The following C19orf38 variants were observed in gnomAD, a reference collection of about 807,000 sequenced individuals.
The protein encoded by C19orf38 is chromosome 19 open reading frame 38.
C19orf38 carries 14 observed loss-of-function variants against 26.6 expected under a neutral mutation model. The ratio of observed to expected loss-of-function variants is 0.53; its 90% CI spans 0.35 to 0.82. The LOEUF (loss-of-function observed/expected upper bound fraction) is 0.82, where lower values mean the gene tolerates loss of function less well. C19orf38 is among the 40% of genes least tolerant of loss of function. The probability of loss-of-function intolerance (pLI) is 0.01; values close to 1 mark genes in which losing one functional copy is unlikely to be tolerated. For missense variants in C19orf38, 261 were observed against 299.5 expected (o/e 0.87, Z 0.95); for synonymous variants, 132 against 128.5 (o/e 1.03, Z -0.18).
At chr19:10,863,700 G>A (rs2073725592) in intron 6 of C19orf38, among the ~76,000 whole-genome samples, 1 of 150,102 alleles carries the variant, frequency 6.7e-6, no homozygotes, top group South Asian at 2.1e-4. Context: ...GGCGGGTGTG[G>A]GTCAGGAGTT....
chr19:10,858,027 C>T (rs2073648523), intron 3 of C19orf38, among the ~76,000 whole-genome samples: 3 of 151,616 alleles, frequency 2.0e-5, no homozygotes, highest in Non-Finnish European at 1.5e-5. Context: ...GTCAGGAGTT[C>T]GAGACCAGTC....
intron 6 of C19orf38, among the ~76,000 whole-genome samples, chr19:10,868,761 C>G (rs1474203832): frequency 6.6e-6 from 1 of 152,224 alleles, no homozygotes; most frequent in Non-Finnish European, 1.5e-5. Context: ...CCACCTCGGT[C>G]TCCCAAAGTG....
rs1484640109 is a variant in C19orf38, at chr19:10,857,364, A to ATTTT, written c.434-951_434-950insTTTT. Among the ~76,000 whole-genome samples, 86 of 78,160 alleles carry ATTTT rather than the reference A, an allele frequency of 1.1e-3. 1 individual carries two copies. Among genetic ancestry groups the ATTTT allele is most frequent in the East Asian group, 6.0e-3 (12 of 2,002 alleles). 51.3% of individuals were successfully genotyped at this position (78,160 alleles called of 152,430 possible). A position where few individuals can be genotyped will look rare whatever the true frequency, so the allele number is the denominator to read the frequency against. On this transcript the variant is annotated intron_variant, in intron 3 of 6. Coordinates refer to ENST00000397820, the MANE Select transcript of C19orf38 (RefSeq NM_001136482.3). ...CATATATATATATATATATATATAT[A>ATTTT]TATTTTTTTTTTTTTTTTTTTAAGA... is the stretch of plus-strand genomic sequence containing the variant.
chr19:10,844,686 A>C (rs1380477299), upstream of C19orf38, among the ~76,000 whole-genome samples: 1 of 151,784 alleles, frequency 6.6e-6, no homozygotes, highest in Admixed American at 6.6e-5. Flanking sequence ...TCTCTACTAA[A>C]AAATACAAAA....
chr19:10,846,336 A>G (rs569763802), upstream of C19orf38, among the ~76,000 whole-genome samples: 8 of 151,714 alleles, frequency 5.3e-5, no homozygotes, highest in Non-Finnish European at 1.0e-4. Context: ...AGCTGGGACT[A>G]CAGGCACCCA....
intron 6 of C19orf38, among the ~76,000 whole-genome samples, chr19:10,867,911 C>T (rs1316564410): frequency 6.6e-6 from 1 of 151,992 alleles, no homozygotes; most frequent in Non-Finnish European, 1.5e-5. Flanking sequence ...CCTCGACCTC[C>T]CAAAGTGCTG....
At chr19:10,844,391 A>G (rs2073500326), upstream of C19orf38, among the ~76,000 whole-genome samples, 1 of 143,978 alleles carries the variant, frequency 6.9e-6, no homozygotes. Flanking sequence ...TAACAGAGTG[A>G]GACTCCGTCT....
At chr19:10,845,952 G>C (rs2073512745), upstream of C19orf38, among the ~76,000 whole-genome samples, 1 of 151,490 alleles carries the variant, frequency 6.6e-6, no homozygotes, top group Admixed American at 6.6e-5. Context: ...GCTGAGTCAG[G>C]AGGATTGCTT....
intron 1 of C19orf38, among the ~76,000 whole-genome samples, chr19:10,839,495 C>T (rs2073463685): frequency 6.6e-6 from 1 of 152,152 alleles, no homozygotes; most frequent in African/African-American, 2.4e-5. Flanking sequence ...CCTGTATCAA[C>T]TCCTCATTAC....
At chr19:10,845,876 C>CA (rs967662038), upstream of C19orf38, among the ~76,000 whole-genome samples, 2,184 of 72,396 alleles carry the variant, frequency 0.03, 22 homozygotes, top group Middle Eastern at 0.083. Context: ...AAGACTCCGT[C>CA]AAAAAAAAAA....
At chr19:10,858,450 C>A in intron 4 of C19orf38, 107 bp downstream of exon 4, 3 of 1,098,670 alleles carry the variant, frequency 2.7e-6, no homozygotes, top group Non-Finnish European at 4.0e-6. Flanking sequence ...TCCTGGTGGG[C>A]ATGCTGCGTA....
Position 10,859,930 on chromosome 19 carries a change from C to T in C19orf38, c.477C>T (p.Cys159=). Residue 159 remains cysteine, a synonymous_variant, in exon 5 of 7, where the codon TGC becomes TGT. Transcript: ENST00000397820. ...TCCTTTGCAGAGATCGAGAATCCTG[C>T]TGGGCCCAGATTAACTTCGACAGCA... is the stretch of plus-strand genomic sequence containing the variant. The part of the protein sequence containing the change: ...NLQKKRDRES[C]WAQINFDSTD... The T allele has an allele frequency of 6.4e-7, 1 of 1,551,916 alleles. No homozygotes were observed. Among genetic ancestry groups the T allele is most frequent in the African/African-American group, 1.4e-5 (1 of 73,156 alleles).
Position 10,850,377 on chromosome 19 carries a change from A to T in C19orf38, c.150A>T (p.Thr50=). Residue 50 remains threonine (T), a synonymous_variant, in exon 2 of 7, where the codon ACA becomes ACT. Coordinates refer to ENST00000397820, the MANE Select transcript of C19orf38 (RefSeq NM_001136482.3). Reference sequence around the variant, plus strand: ...GGAACTTCCCGGGGGCGAATTTCACACTGTATCGAGGGGGGCAGGTGGTCC... The same window carrying T: ...GGAACTTCCCGGGGGCGAATTTCACTCTGTATCGAGGGGGGCAGGTGGTCC... The part of the protein sequence containing the change: ...APGNFPGANF[T]LYRGGQVVQL... The T allele has an allele frequency of 6.4e-7, 1 of 1,550,808 alleles. No homozygotes were observed.
intron 6 of C19orf38, among the ~76,000 whole-genome samples, chr19:10,865,509 G>A (rs568209350): frequency 4.4e-4 from 67 of 151,194 alleles, no homozygotes; most frequent in Middle Eastern, 6.8e-3. Context: ...GCTCATGCCT[G>A]TAATCCCATC....
In C19orf38 at chr19:10,857,335, C is replaced by CATAT. The variant is rs1165296899; in HGVS notation, c.434-978_434-977insTATA. 1.9e-4 allele frequency among the ~76,000 whole-genome samples: 13 copies of CATAT among 68,926 alleles called. No homozygotes were observed. The East Asian group carries it at 4.2e-3, about 22-fold the overall frequency. The allele number at this position is 68,926 out of a possible 152,430, so 45.2% of individuals were successfully genotyped here. The stretch of plus-strand genomic sequence containing the variant: ...ATATATATACATACACACACACACA[C>CATAT]ATACATATATATATATATATATATA... On this transcript the variant is annotated intron_variant, in intron 3 of 6. Transcript: ENST00000397820.
intron 5 of C19orf38, chr19:10,860,218 T>C: frequency 2.3e-6 from 1 of 436,276 alleles, no homozygotes; most frequent in Non-Finnish European, 4.2e-6. Context: ...GGTCCGACCA[T>C]TCTTCTTACC....
intron 2 of C19orf38, among the ~76,000 whole-genome samples, chr19:10,850,908 C>T (rs1379593458): frequency 1.3e-5 from 2 of 152,144 alleles, no homozygotes; most frequent in Non-Finnish European, 2.9e-5. Flanking sequence ...TGTGATTCTT[C>T]CCATTTTGCA....
At chr19:10,860,617 G>A (rs761910758) in intron 5 of C19orf38, among the ~76,000 whole-genome samples, 3 of 148,074 alleles carry the variant, frequency 2.0e-5, no homozygotes, top group African/African-American at 7.5e-5. Context: ...CGAGGTGGGC[G>A]GATCACGAGG....
intron 5 of C19orf38, 64 bp downstream of exon 5, chr19:10,860,022 C>G: frequency 6.9e-7 from 1 of 1,454,012 alleles, no homozygotes; most frequent in Non-Finnish European, 9.5e-7. Flanking sequence ...GCCATCAGGC[C>G]TCATCACACA....
Sources: gnomAD v4.1 joint callset for allele counts (sites outside exome capture counted in the v4.1 genomes callset) on GRCh38, gnomAD v4.1.1 for gene constraint, MANE v1.5 for transcripts, NCBI Gene and HGNC (gene_info 2026-07-23, HGNC 2026-07-21) for gene names.